The following RPH3AL variants were observed in gnomAD, a reference collection of about 807,000 sequenced individuals.
RPH3AL encodes the protein rab effector Noc2.
In RPH3AL, 38 loss-of-function variants were observed where a neutral mutation model predicts 43.1. The observed-to-expected ratio is 0.88, with a 90% CI of 0.68 to 1.15. RPH3AL has a LOEUF of 1.15. Ranked by LOEUF, RPH3AL falls within the 50% of genes most tolerant of loss-of-function variation. The probability of loss-of-function intolerance (pLI) is 0.00; values close to 1 mark genes in which losing one functional copy is unlikely to be tolerated. For synonymous variants in RPH3AL, 189 were observed against 176.3 expected (o/e 1.07, Z -0.57); for missense variants, 462 against 423.2 (o/e 1.09, Z -0.81).
In RPH3AL at chr17:345,116, A is replaced by G. The variant is rs2045212013; in HGVS notation, c.-213+7596T>C. Among the ~76,000 whole-genome samples, 2 of 135,108 alleles carry G rather than the reference A, an allele frequency of 1.5e-5. 1 individual carries two copies. The highest frequency in any genetic ancestry group is 3.4e-5 in the Non-Finnish European group (2 of 59,222). The allele number at this position is 135,108 out of a possible 152,430, so 88.6% of individuals were successfully genotyped here. ...AAACCTTGTCTCTGAAAACACACAC[A>G]CACACAGAAAAAATTAGCTGGGCTC... On this transcript the variant is annotated intron_variant, in intron 1 of 9. Coordinates refer to ENST00000331302, the MANE Select transcript of RPH3AL (RefSeq NM_006987.4).
intron 3 of RPH3AL, among the ~76,000 whole-genome samples, chr17:325,061 G>A (rs111274364): frequency 0.079 from 12,063 of 151,852 alleles, 704 homozygotes; most frequent in African/African-American, 0.16. Flanking sequence ...GTTTCACCGC[G>A]TTGGTCAGGC....
At chr17:336,966 C>T (rs1487466071) in intron 1 of RPH3AL, among the ~76,000 whole-genome samples, 1 of 152,202 alleles carries the variant, frequency 6.6e-6, no homozygotes, top group Non-Finnish European at 1.5e-5. Context: ...GCCCACCGCC[C>T]TCCCGTCAGC....
chr17:324,702 GCTATGTACCTAT>G (rs1005188581), intron 3 of RPH3AL, among the ~76,000 whole-genome samples: 7 of 119,818 alleles, frequency 5.8e-5, no homozygotes, highest in African/African-American at 2.1e-4. Context: ...TAGCTAGCTA[GCTATGTACCTAT>G]CTATCTATCT....
chr17:321,207 G>C, intron 4 of RPH3AL, 65 bp downstream of exon 4: 2 of 1,551,458 alleles, frequency 1.3e-6, no homozygotes, highest in Non-Finnish European at 8.7e-7. Context: ...CGGCCTCCCA[G>C]TCCCCTGCGC....
intron 7 of RPH3AL, among the ~76,000 whole-genome samples, chr17:224,093 C>G (rs2041054406): frequency 6.6e-6 from 1 of 152,232 alleles, no homozygotes; most frequent in Admixed American, 6.5e-5. Context: ...ACTTCCTCAC[C>G]ATTGTCACTG....
intron 6 of RPH3AL, among the ~76,000 whole-genome samples, chr17:275,242 CAAA>C (rs1176532171): frequency 4.0e-5 from 1 of 25,258 alleles, no homozygotes; most frequent in Non-Finnish European, 1.6e-4. Context: ...GCAAAAAAAA[CAAA>C]AAACAAAAAA....
chr17:264,089 C>T lies in RPH3AL; in HGVS notation c.439-16804G>A, dbSNP rs961853849. ...ACGATTTTGGCCGCGTGCGACAAGCCGGACTCTCCAAGAGCCTTGGACCCA... is the reference window on the plus strand; with the variant it reads ...ACGATTTTGGCCGCGTGCGACAAGCTGGACTCTCCAAGAGCCTTGGACCCA... On this transcript the variant is annotated intron_variant, in intron 6 of 9. Coordinates refer to ENST00000331302, the MANE Select transcript of RPH3AL (RefSeq NM_006987.4). This position sits in a 1 kb window ranked among gnomAD's most constrained non-coding sequence, Gnocchi z 4.8. Among the ~76,000 whole-genome samples the T allele has an allele frequency of 6.6e-6, 1 of 152,184 alleles. No individual in the cohort carries two copies. The highest frequency in any genetic ancestry group is 2.4e-5 in the African/African-American group (1 of 41,440).
intron 5 of RPH3AL, chr17:306,522 G>A (rs62053682): frequency 0.12 from 18,802 of 152,180 alleles, 1,272 homozygotes; most frequent in Middle Eastern, 0.2. Flanking sequence ...GCTCTCCACC[G>A]CTGGCAGCTT....
intron 7 of RPH3AL, among the ~76,000 whole-genome samples, chr17:232,993 A>AT (rs2041266651): frequency 6.6e-6 from 1 of 152,004 alleles, no homozygotes; most frequent in Non-Finnish European, 1.5e-5. Flanking sequence ...GAAGGTGATA[A>AT]TTAAGCATAA....
At chr17:314,647 G>A (rs1247593330) in intron 5 of RPH3AL, among the ~76,000 whole-genome samples, 17 of 99,488 alleles carry the variant, frequency 1.7e-4, no homozygotes, top group African/African-American at 4.4e-4. Context: ...TGTAGTCCCT[G>A]TGACTCCACC....
chr17:273,015 C>T (rs8067514), intron 6 of RPH3AL, among the ~76,000 whole-genome samples: 45 of 116,528 alleles, frequency 3.9e-4, no homozygotes, highest in African/African-American at 1.1e-3. Flanking sequence ...GCGAGGGCGA[C>T]ATCAGGAAGA....
intron 6 of RPH3AL, among the ~76,000 whole-genome samples, chr17:278,885 A>G (rs2151602455): frequency 6.6e-6 from 1 of 152,298 alleles, no homozygotes. Context: ...ACAGGCAGCA[A>G]CACCACCCTG....
At chr17:269,798 GAGTCAGC>G (rs1278527306) in intron 6 of RPH3AL, among the ~76,000 whole-genome samples, 1 of 152,244 alleles carries the variant, frequency 6.6e-6, no homozygotes, top group Non-Finnish European at 1.5e-5. Context: ...TGTGCTGAAA[GAGTCAGC>G]AGCCTCTTGG....
chr17:261,441 G>T (rs955959198), intron 6 of RPH3AL, among the ~76,000 whole-genome samples: 1 of 152,174 alleles, frequency 6.6e-6, no homozygotes. Context: ...ATTCACCAGG[G>T]ATCTGGATCA....
Position 333,941 on chromosome 17 carries a change from G to C in RPH3AL, c.-212-7C>G, listed in dbSNP as rs551844014. 1 of 152,104 alleles carries C rather than the reference G, an allele frequency of 6.6e-6. No individual in the cohort carries two copies. The highest frequency in any genetic ancestry group is 2.1e-4 in the South Asian group (1 of 4,822). The allele number at this position is 152,104 out of a possible 1,614,324, so 9.4% of individuals were successfully genotyped here. ...CAATAAGGCAGACGATCCTCTATTC[G>C]CAAAAAAATAAATAAATAAAATAAA... On this transcript the variant is annotated splice_polypyrimidine_tract_variant and splice_region_variant and intron_variant, in intron 1 of 9. Transcript: ENST00000331302. This position sits in a 1 kb window ranked among gnomAD's most constrained non-coding sequence, Gnocchi z 4.5.
At chr17:334,882 G>GGAACAA (rs2044907687) in intron 1 of RPH3AL, among the ~76,000 whole-genome samples, 1 of 65,730 alleles carries the variant, frequency 1.5e-5, no homozygotes, top group African/African-American at 4.8e-5. Context: ...CGGAGGGACA[G>GGAACAA]GGACAGGGAC....
At position 321,405 on chromosome 17, in the gene RPH3AL, C is replaced by T. The variant is rs547011503; in HGVS notation, c.88G>A (p.Gly30Ser). 48 of 1,607,228 alleles carry T rather than the reference C, an allele frequency of 3.0e-5. No homozygotes were observed. In the Middle Eastern group the frequency reaches 1.5e-3, roughly 50 times the overall value. The change falls in exon 4 of 10, where the codon GGC becomes AGC. Residue 30 changes from glycine to serine, a missense_variant. By Grantham distance (56) the Gly-to-Ser change is moderately conservative (BLOSUM62 0). Transcript: ENST00000331302. ...GTCTGGTAGGTGTGCACGGACCAGC[C>T]CGTCTGCAGCCTCGAGAGGGAACAG... ...QLALRAKLQT[G>S]WSVHTYQTEK...
intron 2 of RPH3AL, chr17:332,207 G>A (rs1230421927): frequency 1.3e-5 from 4 of 313,896 alleles, no homozygotes; most frequent in East Asian, 8.0e-5. Flanking sequence ...AACTAGAGAC[G>A]TGATCCCCAG....
intron 5 of RPH3AL, among the ~76,000 whole-genome samples, chr17:286,059 G>T (rs1054033848): frequency 6.6e-6 from 1 of 152,202 alleles, no homozygotes; most frequent in African/African-American, 2.4e-5. Context: ...CTGGGGGGGT[G>T]CTCGGCTGCC....
Sources: gnomAD v4.1 joint callset for allele counts (sites outside exome capture counted in the v4.1 genomes callset) on GRCh38, gnomAD v4.1.1 for gene constraint, Gnocchi (gnomAD v3.1) non-coding constraint, MANE v1.5 for transcripts, NCBI Gene and HGNC (gene_info 2026-07-23, HGNC 2026-07-21) for gene names.